PTPRD: variants seen among roughly 807,000 people sequenced by gnomAD.
The protein encoded by PTPRD is receptor-type tyrosine-protein phosphatase delta.
In PTPRD, 34 loss-of-function variants were observed where a neutral mutation model predicts 214.5. The ratio of observed to expected loss-of-function variants is 0.16; its 90% CI spans 0.12 to 0.21. The LOEUF is 0.21. Among genes scored for constraint, PTPRD ranks in the 10% least tolerant of loss-of-function variants. PTPRD has a pLI of 1.00. For missense variants in PTPRD, 2,545 were observed against 2,398.7 expected, an observed-to-expected ratio of 1.06 and a Z score of -1.27; for synonymous variants, 1,128 against 845.7, an observed-to-expected ratio of 1.33 and a Z score of -5.79.
intron 3 of PTPRD, among the ~76,000 whole-genome samples, chr9:10,123,264 C>T (rs773331962): frequency 3.3e-5 from 5 of 152,100 alleles, no homozygotes; most frequent in Non-Finnish European, 4.4e-5. Flanking sequence ...ACCTTTAGAC[C>T]CAATAGACTT....
chr9:9,322,130 G>A (rs1255303413), intron 9 of PTPRD, among the ~76,000 whole-genome samples: 1 of 152,110 alleles, frequency 6.6e-6, no homozygotes, highest in Non-Finnish European at 1.5e-5. Flanking sequence ...CCTGGAAAAT[G>A]GACATGCTTT....
At chr9:9,087,995 C>T (rs1208064489) in intron 10 of PTPRD, among the ~76,000 whole-genome samples, 2 of 141,374 alleles carry the variant, frequency 1.4e-5, no homozygotes, top group South Asian at 2.3e-4. Flanking sequence ...GATTCTCTTG[C>T]CCCAGCCTCC....
At chr9:10,589,838 T>G (rs117806632) in intron 2 of PTPRD, among the ~76,000 whole-genome samples, 2 of 152,098 alleles carry the variant, frequency 1.3e-5, no homozygotes, top group Non-Finnish European at 2.9e-5. Flanking sequence ...TTTGAACAGG[T>G]GAAATATCTG....
rs184578021 is a variant in PTPRD, at chr9:8,401,691, T to C, written c.4210+2846A>G. Among the ~76,000 whole-genome samples the C allele has an allele frequency of 6.8e-4, 104 of 152,272 alleles. 3 individuals carry two copies. The East Asian group carries it at 0.01, about 15-fold the overall frequency. On this transcript the variant is annotated intron_variant, in intron 36 of 45. Coordinates refer to ENST00000381196, the MANE Select transcript of PTPRD (RefSeq NM_002839.4). Reference sequence around the variant, plus strand: ...TTCCCTGTTATTCTCTCAGTGGAAGTAGGATATACACTTGCTCTACTAAAC... The same window carrying C: ...TTCCCTGTTATTCTCTCAGTGGAAGCAGGATATACACTTGCTCTACTAAAC...
At chr9:9,431,549 A>G (rs2083131729) in intron 8 of PTPRD, among the ~76,000 whole-genome samples, 1 of 152,184 alleles carries the variant, frequency 6.6e-6, no homozygotes, top group African/African-American at 2.4e-5. Flanking sequence ...CCATCTCATT[A>G]CTGGGCATAT....
At chr9:10,384,431 A>T (rs181967743) in intron 2 of PTPRD, among the ~76,000 whole-genome samples, 1 of 151,788 alleles carries the variant, frequency 6.6e-6, no homozygotes, top group African/African-American at 2.4e-5. Context: ...ATGATCAAAA[A>T]TAATAAAAAA....
At chr9:8,935,863 G>A (rs950607434) in intron 11 of PTPRD, among the ~76,000 whole-genome samples, 1 of 151,980 alleles carries the variant, frequency 6.6e-6, no homozygotes, top group African/African-American at 2.4e-5. Flanking sequence ...TCCTTTTGGG[G>A]TTACATCACC....
intron 8 of PTPRD, among the ~76,000 whole-genome samples, chr9:9,420,980 T>C (rs539602325): frequency 6.6e-6 from 1 of 152,132 alleles, no homozygotes; most frequent in East Asian, 1.9e-4. Context: ...TTCATAAGGC[T>C]GCCATTTGGT....
chr9:10,063,400 TAA>T (rs1221540019), intron 3 of PTPRD, among the ~76,000 whole-genome samples: 1 of 152,012 alleles, frequency 6.6e-6, no homozygotes. Context: ...TATCTATTGA[TAA>T]AAAAGAGTAA....
In PTPRD at chr9:9,394,633, A is replaced by G. The variant is rs375954239; in HGVS notation, c.-203+2816T>C. ...TGAAACTCTGAACAGTGCCTGGCAA[A>G]TAGTCATCACCATGTAGCTCTTGTT... On this transcript the variant is annotated intron_variant, in intron 9 of 45. Coordinates refer to ENST00000381196, the MANE Select transcript of PTPRD (RefSeq NM_002839.4). Among the ~76,000 whole-genome samples the G allele has an allele frequency of 1.8e-4, 27 of 152,262 alleles. 1 individual carries two copies. The highest frequency in any genetic ancestry group is 7.7e-4 in the East Asian group (4 of 5,172).
At chr9:10,253,387 C>T (rs1311566583) in intron 3 of PTPRD, among the ~76,000 whole-genome samples, 1 of 152,160 alleles carries the variant, frequency 6.6e-6, no homozygotes, top group Non-Finnish European at 1.5e-5. Context: ...AAAGTTCTGA[C>T]TCTTTTAATA....
intron 3 of PTPRD, among the ~76,000 whole-genome samples, chr9:10,076,719 G>A (rs1201567151): frequency 6.6e-6 from 1 of 152,098 alleles, no homozygotes; most frequent in Non-Finnish European, 1.5e-5. Context: ...TGCCTGGGGA[G>A]CAGTGCCAAG....
intron 35 of PTPRD, among the ~76,000 whole-genome samples, chr9:8,432,474 C>T (rs939952449): frequency 1.3e-5 from 2 of 152,162 alleles, no homozygotes; most frequent in Admixed American, 6.5e-5. Context: ...GTGCAAACAG[C>T]TTTCACGCCT....
At chr9:8,838,825 A>T (rs1027506498) in intron 11 of PTPRD, among the ~76,000 whole-genome samples, 3 of 152,168 alleles carry the variant, frequency 2.0e-5, no homozygotes, top group Non-Finnish European at 4.4e-5. Context: ...CAGTAATGAG[A>T]GAAACAAAAC....
intron 34 of PTPRD, among the ~76,000 whole-genome samples, chr9:8,441,207 G>T (rs1205442381): frequency 1.3e-5 from 2 of 152,110 alleles, no homozygotes; most frequent in South Asian, 2.1e-4. Flanking sequence ...AGAGACTCCA[G>T]AAAGAACAGT....
chr9:10,025,985 C>T (rs2096915725), intron 4 of PTPRD, among the ~76,000 whole-genome samples: 1 of 152,184 alleles, frequency 6.6e-6, no homozygotes, highest in South Asian at 2.1e-4. Context: ...ACTCAGGATA[C>T]TTCAAGGCTA....
At chr9:9,163,263 G>C (rs776362532) in intron 10 of PTPRD, among the ~76,000 whole-genome samples, 4 of 151,852 alleles carry the variant, frequency 2.6e-5, no homozygotes, top group African/African-American at 4.8e-5. Context: ...TATTTAGCTG[G>C]TTACTAAAAC....
intron 10 of PTPRD, among the ~76,000 whole-genome samples, chr9:9,076,400 TGTAA>T (rs1317330141): frequency 6.6e-6 from 1 of 151,714 alleles, no homozygotes; most frequent in African/African-American, 2.4e-5. Flanking sequence ...GTTTAATTAG[TGTAA>T]GTGTTATTTT....
At chr9:10,246,894 CAATA>C (rs1030428040) in intron 3 of PTPRD, among the ~76,000 whole-genome samples, 2 of 150,130 alleles carry the variant, frequency 1.3e-5, no homozygotes, top group Non-Finnish European at 3.0e-5. Context: ...AACTCTGTCT[CAATA>C]AATAAATAAA....
Sources: gnomAD v4.1 joint callset for allele counts (sites outside exome capture counted in the v4.1 genomes callset) on GRCh38, gnomAD v4.1.1 for gene constraint, MANE v1.5 for transcripts, NCBI Gene and HGNC (gene_info 2026-07-23, HGNC 2026-07-21) for gene names.